TTC28: variants seen among roughly 807,000 people sequenced by gnomAD.
The protein encoded by TTC28 is tetratricopeptide repeat protein 28.
TTC28 carries 61 observed loss-of-function variants against 198.0 expected under a neutral mutation model. The ratio of observed to expected loss-of-function variants is 0.31; its 90% confidence interval spans 0.25 to 0.38. TTC28 has a LOEUF of 0.38. TTC28 is among the 10% of genes least tolerant of loss of function. The pLI is 1.00. For missense variants in TTC28, 2,678 were observed against 3,164.0 expected (o/e 0.85, Z 3.69); for synonymous variants, 1,171 against 1,297.8 (o/e 0.90, Z 2.10).
At chr22:28,547,700 G>A (rs557749085) in intron 2 of TTC28, among the ~76,000 whole-genome samples, 1 of 151,364 alleles carries the variant, frequency 6.6e-6, no homozygotes, top group Non-Finnish European at 1.5e-5. Flanking sequence ...TCCTTCCATA[G>A]TCAGACTCTT....
chr22:28,186,450 G>C (rs1924213496), intron 5 of TTC28, among the ~76,000 whole-genome samples: 1 of 152,162 alleles, frequency 6.6e-6, no homozygotes. Context: ...ACATTAACAG[G>C]ATGGGCTATG....
chr22:28,474,902 A>G (rs1042105052), intron 2 of TTC28, among the ~76,000 whole-genome samples: 1 of 152,202 alleles, frequency 6.6e-6, no homozygotes, highest in African/African-American at 2.4e-5. Context: ...TTTGGGGAAA[A>G]TAGAGAATAT....
At chr22:28,105,911 C>A (rs1942284677) in intron 7 of TTC28, 109 bp from the exon 8 acceptor site, 1 of 1,245,222 alleles carries the variant, frequency 8.0e-7, no homozygotes, top group Non-Finnish European at 1.1e-6. Context: ...ACTATAGAAG[C>A]TCTTAACTCC....
intron 2 of TTC28, among the ~76,000 whole-genome samples, chr22:28,467,786 G>A (rs1452115382): frequency 6.6e-6 from 1 of 152,048 alleles, no homozygotes; most frequent in Non-Finnish European, 1.5e-5. Flanking sequence ...CCTTGAGACA[G>A]AGTCTTACTC....
chr22:28,303,676 T>C (rs1007594471), intron 3 of TTC28: 16 of 152,246 alleles, frequency 1.1e-4, no homozygotes, highest in African/African-American at 3.9e-4. Flanking sequence ...AGGAACACTG[T>C]GCAGGTTATG....
At chr22:28,503,977 G>A (rs2048569948) in intron 2 of TTC28, among the ~76,000 whole-genome samples, 1 of 152,170 alleles carries the variant, frequency 6.6e-6, no homozygotes, top group South Asian at 2.1e-4. Context: ...TGAAAGATGA[G>A]CTTCTCCAAT....
Position 28,504,292 on chromosome 22 carries a change from A to C in TTC28, c.381+125260T>G, listed in dbSNP as rs1262760659. 2.0e-5 allele frequency among the ~76,000 whole-genome samples: 3 copies of C among 152,206 alleles called. No individual in the cohort carries two copies. The East Asian group carries it at 5.8e-4, about 29-fold the overall frequency. On this transcript the variant is annotated intron_variant, in intron 2 of 22. Transcript: ENST00000397906. ...AAAGTGAGATATATAACAGGTAATT[A>C]TTAATCACAAGTAATTTTGAGTTAT...
At chr22:28,161,753 C>CAGGAA (rs60865010) in intron 6 of TTC28, among the ~76,000 whole-genome samples, 8,832 of 123,426 alleles carry the variant, frequency 0.072, 423 homozygotes, top group South Asian at 0.17. Context: ...CAGGACAGGA[C>CAGGAA]AGGAAAGGAA....
chr22:28,407,340 G>A (rs573324065), intron 2 of TTC28, among the ~76,000 whole-genome samples: 79 of 152,110 alleles, frequency 5.2e-4, no homozygotes, highest in Non-Finnish European at 8.8e-4. Context: ...TGGTATTTTT[G>A]TGTCTGACGT....
At chr22:28,607,861 C>T (rs2050758540) in intron 2 of TTC28, among the ~76,000 whole-genome samples, 1 of 152,128 alleles carries the variant, frequency 6.6e-6, no homozygotes, top group African/African-American at 2.4e-5. Flanking sequence ...TACTCTAGTC[C>T]AAGTTAGCTT....
chr22:28,078,958 G>T (rs919392234), intron 12 of TTC28, among the ~76,000 whole-genome samples: 1 of 152,174 alleles, frequency 6.6e-6, no homozygotes, highest in African/African-American at 2.4e-5. Flanking sequence ...TGTAAACTAG[G>T]AGGTGAAAGG....
At chr22:28,262,246 T>C (rs1272087873) in intron 5 of TTC28, among the ~76,000 whole-genome samples, 2 of 152,142 alleles carry the variant, frequency 1.3e-5, no homozygotes, top group Admixed American at 6.6e-5. Context: ...TGGTGTCTCA[T>C]TTGTCACATA....
In TTC28 at chr22:27,992,625, T is replaced by A. The variant is rs1307732836; in HGVS notation, c.5515A>T (p.Ile1839Phe). The change falls in exon 19 of 23, where the codon ATC (isoleucine) becomes TTC (phenylalanine). Residue 1839 changes from isoleucine to phenylalanine, a missense_variant. By Grantham distance (21) the Ile-to-Phe change is conservative. Coordinates refer to ENST00000397906, the MANE Select transcript of TTC28 (RefSeq NM_001145418.2). ...NPALQALCKLITASETGEQLI... is the reference protein window; with the variant it reads ...NPALQALCKLFTASETGEQLI... Reference sequence around the variant, plus strand: ...TGCTCGCCCGTCTCGGAGGCAGTGATGAGTTTGCAAAGGGCTTGGAGGGCA... The same window carrying A: ...TGCTCGCCCGTCTCGGAGGCAGTGAAGAGTTTGCAAAGGGCTTGGAGGGCA... The A allele has an allele frequency of 6.4e-7, 1 of 1,551,480 alleles. No individual in the cohort carries two copies. Among genetic ancestry groups the A allele is most frequent in the East Asian group, 2.4e-5 (1 of 40,910 alleles).
intron 2 of TTC28, among the ~76,000 whole-genome samples, chr22:28,312,990 G>A (rs543995485): frequency 1.3e-5 from 2 of 152,232 alleles, no homozygotes; most frequent in African/African-American, 4.8e-5. Context: ...AGAAAAAAGA[G>A]AAGAATCAAA....
At chr22:28,391,648 T>A (rs1329437915) in intron 2 of TTC28, among the ~76,000 whole-genome samples, 2 of 152,254 alleles carry the variant, frequency 1.3e-5, no homozygotes, top group Non-Finnish European at 2.9e-5. Flanking sequence ...TCCTGAGGCT[T>A]CTGCATTCTT....
chr22:28,671,807 C>A (rs1017932146), intron 1 of TTC28, among the ~76,000 whole-genome samples: 9 of 150,822 alleles, frequency 6.0e-5, no homozygotes, highest in Non-Finnish European at 8.9e-5. Context: ...ACCCAAGTAA[C>A]TGGGATTACA....
chr22:28,174,962 T>C (rs1045657705), intron 5 of TTC28, among the ~76,000 whole-genome samples: 1 of 151,738 alleles, frequency 6.6e-6, no homozygotes, highest in Non-Finnish European at 1.5e-5. Context: ...AATAAATTCA[T>C]GTACCTATAG....
At chr22:28,277,053 T>C (rs889182096) in intron 5 of TTC28, among the ~76,000 whole-genome samples, 1 of 152,102 alleles carries the variant, frequency 6.6e-6, no homozygotes, top group Non-Finnish European at 1.5e-5. Flanking sequence ...AATTAATTAG[T>C]GAAGTGTTAT....
chr22:28,231,409 G>A (rs1928793438), intron 5 of TTC28, among the ~76,000 whole-genome samples: 1 of 152,190 alleles, frequency 6.6e-6, no homozygotes, highest in South Asian at 2.1e-4. Flanking sequence ...ACACAAGGCA[G>A]GGGATTGAGC....
Sources: allele counts gnomAD v4.1 joint callset (sites outside exome capture counted in the v4.1 genomes callset), GRCh38; gene constraint gnomAD v4.1.1; transcripts MANE v1.5; gene names NCBI Gene and HGNC (gene_info 2026-07-23, HGNC 2026-07-21).